Variants in TICAM1 observed in about 807,000 individuals in gnomAD.
TICAM1 encodes the protein TIR domain-containing adapter molecule 1.
For synonymous variants in TICAM1, 439 were observed against 415.4 expected (o/e 1.06, Z -0.69); for missense variants, 895 against 938.2 (o/e 0.95, Z 0.60).
chr19:4,817,545 A>G lies in TICAM1; in HGVS notation c.833T>C (p.Val278Ala). 6.2e-7 allele frequency: 1 copy of G among 1,613,370 alleles called. No homozygotes were observed. The highest frequency in any genetic ancestry group is 8.5e-7 in the Non-Finnish European group (1 of 1,179,814). The change falls in exon 2 of 2, where the codon GTG (valine) becomes GCG (alanine). Residue 278 changes from valine (V) to alanine (A), a missense_variant. Coordinates refer to ENST00000248244, the MANE Select transcript of TICAM1 (RefSeq NM_182919.4). This position sits in a 1 kb window ranked among gnomAD's most constrained non-coding sequence, Gnocchi z 4.7. ...GCCAGTGGAGGTTGCATCTGGGGCC[A>G]CTTCGGGAAGCCCAGGAGGTGGGCT... ...PSSPPPGLPE[V>A]APDATSTGLP...
intron 1 of TICAM1, among the ~76,000 whole-genome samples, chr19:4,829,333 C>A (rs1027244308): frequency 9.1e-5 from 10 of 109,802 alleles, no homozygotes; most frequent in Non-Finnish European, 1.6e-4. Context: ...GGTCTTTCTT[C>A]TCATTCTCTC....
intron 1 of TICAM1, among the ~76,000 whole-genome samples, chr19:4,820,131 A>C (rs1228595137): frequency 6.6e-6 from 1 of 152,166 alleles, no homozygotes; most frequent in Non-Finnish European, 1.5e-5. Context: ...AGTTTAAAAA[A>C]AAGTTTGGGC....
At chr19:4,823,050 C>A (rs146579179) in intron 1 of TICAM1, among the ~76,000 whole-genome samples, 1 of 152,142 alleles carries the variant, frequency 6.6e-6, no homozygotes, top group Non-Finnish European at 1.5e-5. Flanking sequence ...CCGGGCCTGA[C>A]GGCTCATGCC....
intron 1 of TICAM1, among the ~76,000 whole-genome samples, chr19:4,826,956 C>T (rs1182943866): frequency 6.6e-6 from 1 of 152,084 alleles, no homozygotes; most frequent in Non-Finnish European, 1.5e-5. Context: ...GGCCTAAGTA[C>T]TCCTCTAGAG....
rs1409956399 is a variant in TICAM1 at position 4,816,401 on chromosome 19, C to T, written c.1977G>A (p.Gln659=). The T allele has an allele frequency of 6.4e-7, 1 of 1,573,418 alleles. No homozygotes were observed. Among genetic ancestry groups the T allele is most frequent in the Non-Finnish European group, 8.6e-7 (1 of 1,162,556 alleles). The stretch of plus-strand genomic sequence containing the variant: ...GTGAGGCCGTAGGGAAGGCTGGGGA[C>T]TGCGGGAAGGGCAGTGACTGTGGAA... ...AAFPQSLPFP[Q]SPAFPTASPA... Residue 659 remains glutamine (Q), a synonymous_variant, in exon 2 of 2, where the codon CAG becomes CAA. Coordinates refer to ENST00000248244, the MANE Select transcript of TICAM1 (RefSeq NM_182919.4). This position sits in a 1 kb window ranked among gnomAD's most constrained non-coding sequence, Gnocchi z 4.3.
chr19:4,817,414 C>G lies in TICAM1; in HGVS notation c.964G>C (p.Val322Leu). Residue 322 changes from valine to leucine, a missense_variant, in exon 2 of 2, where the codon GTC (valine) becomes CTC (leucine). Transcript: ENST00000248244. The surrounding 1 kb of genome is among the most constrained non-coding windows in gnomAD (Gnocchi z 4.7). ...QSLPLPILEP[V>L]KNPCSVKDQT... ...TCTTTGACAGAGCAGGGGTTTTTGA[C>G]CGGCTCCAGAATAGGCAAGGGGAGA... The G allele has an allele frequency of 6.2e-7, 1 of 1,613,944 alleles. No individual in the cohort carries two copies. The highest frequency in any genetic ancestry group is 8.5e-7 in the Non-Finnish European group (1 of 1,179,996).
At chr19:4,823,576 A>G (rs1024295138) in intron 1 of TICAM1, among the ~76,000 whole-genome samples, 3 of 151,292 alleles carry the variant, frequency 2.0e-5, no homozygotes, top group African/African-American at 7.3e-5. Context: ...TTGAGGCTGC[A>G]GCAAGCAAGC....
intron 1 of TICAM1, among the ~76,000 whole-genome samples, chr19:4,820,418 TAAAA>T (rs754775495): frequency 9.2e-6 from 1 of 108,718 alleles, no homozygotes; most frequent in African/African-American, 3.5e-5. Context: ...AGACTCCATC[TAAAA>T]AAAAAAAAAA....
chr19:4,823,810 A>C (rs771377316), intron 1 of TICAM1, among the ~76,000 whole-genome samples: 3 of 152,144 alleles, frequency 2.0e-5, no homozygotes, highest in Non-Finnish European at 4.4e-5. Context: ...TAACTGTGAG[A>C]GAATAAATTT....
Position 4,816,989 on chromosome 19 carries a change from G to A in TICAM1, c.1389C>T (p.Arg463=). The A allele has an allele frequency of 1.2e-6, 2 of 1,614,122 alleles. No homozygotes were observed. Among genetic ancestry groups the A allele is most frequent in the Non-Finnish European group, 8.5e-7 (1 of 1,180,022 alleles). The change falls in exon 2 of 2, where the codon CGC becomes CGT. Residue 463 remains arginine, a synonymous_variant. Coordinates refer to ENST00000248244, the MANE Select transcript of TICAM1 (RefSeq NM_182919.4). This position sits in a 1 kb window ranked among gnomAD's most constrained non-coding sequence, Gnocchi z 4.3. ...CTTGGTTCACCTGGTGCAGGCTCAGGCGACAGTCGAAGTTGGAGGTGAGAA... is the reference window on the plus strand; with the variant it reads ...CTTGGTTCACCTGGTGCAGGCTCAGACGACAGTCGAAGTTGGAGGTGAGAA... ...ILLLTSNFDC[R]LSLHQVNQAM... is the part of the protein sequence containing the mutation.
intron 1 of TICAM1, among the ~76,000 whole-genome samples, chr19:4,824,753 C>T (rs1301169646): frequency 6.6e-6 from 1 of 151,132 alleles, no homozygotes; most frequent in African/African-American, 2.4e-5. Flanking sequence ...GCCAACATGG[C>T]GAAATCCCGT....
At chr19:4,819,110 C>CA (rs567558925) in intron 1 of TICAM1, among the ~76,000 whole-genome samples, 8 of 151,512 alleles carry the variant, frequency 5.3e-5, no homozygotes, top group African/African-American at 1.9e-4. Context: ...AACTCCGGCT[C>CA]AAAAAACAAA....
intron 1 of TICAM1, among the ~76,000 whole-genome samples, chr19:4,828,690 C>T (rs892446146): frequency 2.8e-5 from 4 of 144,066 alleles, no homozygotes; most frequent in African/African-American, 7.9e-5. Flanking sequence ...CCTGCCACCA[C>T]GCCCAGATAA....
intron 1 of TICAM1, among the ~76,000 whole-genome samples, chr19:4,820,714 A>C (rs1422868925): frequency 6.6e-6 from 1 of 151,456 alleles, no homozygotes; most frequent in Non-Finnish European, 1.5e-5. Context: ...AGAAAAATAA[A>C]AAAAATAAAA....
At position 4,822,944 on chromosome 19, in the gene TICAM1, T is replaced by C. The variant is rs1171332520; in HGVS notation, c.-139-4428A>G. Among the ~76,000 whole-genome samples, 5 of 152,198 alleles carry C rather than the reference T, an allele frequency of 3.3e-5. No individual in the cohort carries two copies. The East Asian group carries it at 9.6e-4, about 29-fold the overall frequency. ...AGTGCCAACCTCCAGTAGCTCAGAA[T>C]GTGACTTTATTTAGAGAAAAGGCCT... On this transcript the variant is annotated intron_variant, in intron 1 of 1. Transcript: ENST00000248244.
intron 1 of TICAM1, among the ~76,000 whole-genome samples, chr19:4,831,165 G>A (rs1441851242): frequency 6.6e-6 from 1 of 151,822 alleles, no homozygotes; most frequent in Non-Finnish European, 1.5e-5. Flanking sequence ...AGGAATTTGG[G>A]GTATCAGGGA....
At position 4,816,370 on chromosome 19, in the gene TICAM1, G is replaced by A; in HGVS notation, c.2008C>T (p.Pro670Ser). Residue 670 changes from proline (P) to serine (S), a missense_variant, in exon 2 of 2, where the codon CCC (proline) becomes TCC (serine). Physicochemically the swap from Pro to Ser is moderately conservative, Grantham distance 74 (BLOSUM62 -1). Coordinates refer to ENST00000248244, the MANE Select transcript of TICAM1 (RefSeq NM_182919.4). This position sits in a 1 kb window ranked among gnomAD's most constrained non-coding sequence, Gnocchi z 4.3. The part of the protein sequence containing the change: ...SPAFPTASPA[P>S]PQSPGLQPLI... ...GGTTGCAGCCCTGGGCTCTGAGGGGGTGCGGGTGAGGCCGTAGGGAAGGCT... is the reference window on the plus strand; with the variant it reads ...GGTTGCAGCCCTGGGCTCTGAGGGGATGCGGGTGAGGCCGTAGGGAAGGCT... The A allele has an allele frequency of 1.9e-6, 3 of 1,589,624 alleles. No individual in the cohort carries two copies. The highest frequency in any genetic ancestry group is 2.3e-5 in the South Asian group (2 of 87,488).
Position 4,816,457 on chromosome 19 carries a change from G to A in TICAM1, c.1921C>T (p.Pro641Ser), listed in dbSNP as rs939615253. The A allele has an allele frequency of 6.4e-7, 1 of 1,554,514 alleles. No individual in the cohort carries two copies. The highest frequency in any genetic ancestry group is 1.4e-5 in the African/African-American group (1 of 73,282). The change falls in exon 2 of 2, where the codon CCC becomes TCC. Residue 641 changes from proline to serine, a missense_variant. By Grantham distance (74) the Pro-to-Ser change is moderately conservative. Transcript: ENST00000248244. The surrounding 1 kb of genome is among the most constrained non-coding windows in gnomAD (Gnocchi z 4.3). ...PPLHAWQAGT[P>S]PPPSPQPAAF... is the part of the protein sequence containing the mutation. ...GCTGGCTGTGGGGAGGGCGGTGGGG[G>A]GGTGCCAGCCTGCCATGCGTGCAGG...
chr19:4,828,540 T>C (rs2093609153), intron 1 of TICAM1, among the ~76,000 whole-genome samples: 1 of 150,758 alleles, frequency 6.6e-6, no homozygotes, highest in African/African-American at 2.4e-5. Context: ...TATATACATA[T>C]ATATATTTTT....
Sources: allele counts gnomAD v4.1 joint callset (sites outside exome capture counted in the v4.1 genomes callset), GRCh38; gene constraint gnomAD v4.1.1; non-coding constraint Gnocchi (gnomAD v3.1); transcripts MANE v1.5; gene names NCBI Gene and HGNC (gene_info 2026-07-23, HGNC 2026-07-21).